ANO2: variants seen among roughly 807,000 people sequenced by gnomAD.
ANO2 encodes anoctamin-2.
In ANO2, 101 loss-of-function variants were observed where a neutral mutation model predicts 124.2. The observed-to-expected ratio is 0.81, with a 90% CI of 0.69 to 0.96. ANO2 has a LOEUF of 0.96. Among genes scored for constraint, ANO2 ranks in the 40% least tolerant of loss-of-function variants. The probability of loss-of-function intolerance (pLI) is 0.00; values close to 1 mark genes in which losing one functional copy is unlikely to be tolerated. For missense variants in ANO2, 1,293 were observed against 1,274.5 expected, an observed-to-expected ratio of 1.01 and a Z score of -0.22; for synonymous variants, 486 against 482.5, an observed-to-expected ratio of 1.01 and a Z score of -0.09.
At chr12:5,915,582 G>C (rs1941331637) in intron 3 of ANO2, among the ~76,000 whole-genome samples, 1 of 152,178 alleles carries the variant, frequency 6.6e-6, no homozygotes, top group South Asian at 2.1e-4. Context: ...AATGAACCCA[G>C]AGCCTAAAAG....
intron 7 of ANO2, among the ~76,000 whole-genome samples, chr12:5,811,319 T>C (rs973608738): frequency 6.6e-6 from 1 of 152,180 alleles, no homozygotes; most frequent in African/African-American, 2.4e-5. Context: ...TATTTACCCA[T>C]CACCAAATTG....
At chr12:5,697,530 A>G (rs1949233100) in intron 14 of ANO2, among the ~76,000 whole-genome samples, 1 of 152,258 alleles carries the variant, frequency 6.6e-6, no homozygotes. Context: ...AGCATGAGCG[A>G]TGCAGAAGAC....
intron 19 of ANO2, among the ~76,000 whole-genome samples, chr12:5,601,613 A>G (rs941688701): frequency 6.6e-6 from 1 of 152,156 alleles, no homozygotes; most frequent in Admixed American, 6.5e-5. Flanking sequence ...TCAAAGTGAG[A>G]CTTCTCCTCC....
At chr12:5,722,540 T>C (rs1950273491) in intron 14 of ANO2, among the ~76,000 whole-genome samples, 2 of 152,048 alleles carry the variant, frequency 1.3e-5, no homozygotes, top group South Asian at 2.1e-4. Flanking sequence ...AACAGTACTA[T>C]AGAACATTGA....
At chr12:5,877,055 T>C (rs1938153986) in intron 3 of ANO2, among the ~76,000 whole-genome samples, 1 of 152,188 alleles carries the variant, frequency 6.6e-6, no homozygotes, top group Non-Finnish European at 1.5e-5. Flanking sequence ...TTGAAGTGGG[T>C]TGAGTAGCGC....
At chr12:5,572,936 T>C (rs1942208426) in intron 23 of ANO2, among the ~76,000 whole-genome samples, 2 of 152,124 alleles carry the variant, frequency 1.3e-5, no homozygotes, top group Non-Finnish European at 2.9e-5. Flanking sequence ...ATCAGAGCCT[T>C]ATAGCTGGCC....
intron 7 of ANO2, among the ~76,000 whole-genome samples, chr12:5,822,527 C>T (rs1420522767): frequency 1.3e-5 from 2 of 152,214 alleles, no homozygotes; most frequent in African/African-American, 2.4e-5. Flanking sequence ...GACTTCCACT[C>T]ACCAAGGCTG....
At chr12:5,858,381 A>T (rs1045519718) in intron 3 of ANO2, among the ~76,000 whole-genome samples, 4 of 152,232 alleles carry the variant, frequency 2.6e-5, no homozygotes, top group Non-Finnish European at 5.9e-5. Flanking sequence ...AAAACAACCA[A>T]AATTAATTAT....
At chr12:5,705,842 T>C (rs1422634378) in intron 14 of ANO2, among the ~76,000 whole-genome samples, 2 of 152,224 alleles carry the variant, frequency 1.3e-5, no homozygotes, top group Non-Finnish European at 2.9e-5. Flanking sequence ...TGCCTCAGAC[T>C]GTTCCAACTC....
At chr12:5,639,947 C>T (rs563415776) in intron 15 of ANO2, among the ~76,000 whole-genome samples, 16 of 152,194 alleles carry the variant, frequency 1.1e-4, no homozygotes, top group African/African-American at 3.9e-4. Context: ...AAATGAGTAT[C>T]TGGGGCACAG....
Position 5,563,411 on chromosome 12 carries a change from C to T in ANO2, c.2885G>A (p.Arg962Lys), listed in dbSNP as rs200700250. ...KLKLMDEPAL[R>K]SPGGGDRSRS... Reference sequence around the variant, plus strand: ...GCTTCGATCCCCACCTCCTGGGCTCCTCAGAGCCGGCTCATCCATCAGCTT... The same window carrying T: ...GCTTCGATCCCCACCTCCTGGGCTCTTCAGAGCCGGCTCATCCATCAGCTT... Residue 962 changes from arginine (R) to lysine (K), a missense_variant, in exon 25 of 25, where the codon AGG (arginine) becomes AAG (lysine). Transcript: ENST00000682330. 9.9e-5 allele frequency: 160 copies of T among 1,611,522 alleles called. No homozygotes were observed. Among genetic ancestry groups the T allele is most frequent in the Non-Finnish European group, 1.4e-5 (16 of 1,178,978 alleles).
intron 23 of ANO2, among the ~76,000 whole-genome samples, chr12:5,572,517 T>C (rs1565424334): frequency 6.6e-6 from 1 of 152,248 alleles, no homozygotes; most frequent in African/African-American, 2.4e-5. Flanking sequence ...TCTCTGCTGT[T>C]GCCCTATTGT....
chr12:5,836,000 GTAAT>G (rs1203604815), intron 4 of ANO2, among the ~76,000 whole-genome samples: 1 of 152,208 alleles, frequency 6.6e-6, no homozygotes. Context: ...CATGTGTGCG[GTAAT>G]TAGTTTCAGA....
chr12:5,839,960 G>T (rs1954461322), intron 4 of ANO2, among the ~76,000 whole-genome samples: 1 of 152,224 alleles, frequency 6.6e-6, no homozygotes, highest in African/African-American at 2.4e-5. Flanking sequence ...GAAGAAAGTA[G>T]GCTGTAGTGC....
At chr12:5,859,922 G>A (rs1185322160) in intron 3 of ANO2, among the ~76,000 whole-genome samples, 3 of 152,150 alleles carry the variant, frequency 2.0e-5, no homozygotes. Flanking sequence ...TTCACAAAGA[G>A]GCTAAGTTAC....
In ANO2 at chr12:5,830,434, C is replaced by A. The variant is rs1954114019; in HGVS notation, c.840+1G>T. On this transcript the variant is annotated splice_donor_variant, in intron 6 of 24. Transcript: ENST00000682330. LOFTEE classifies it high-confidence loss of function. Reference sequence around the variant, plus strand: ...CTAACACAGTACATCCATTTACTTACAATGCGGCTGCGGGTGGCATTATCA... The same window carrying A: ...CTAACACAGTACATCCATTTACTTAAAATGCGGCTGCGGGTGGCATTATCA... 4 of 1,612,436 alleles carry A rather than the reference C, an allele frequency of 2.5e-6. No homozygotes were observed. The highest frequency in any genetic ancestry group is 3.4e-6 in the Non-Finnish European group (4 of 1,179,368).
At chr12:5,933,745 AAACCTG>A (rs934120287) in intron 1 of ANO2, among the ~76,000 whole-genome samples, 3 of 152,146 alleles carry the variant, frequency 2.0e-5, no homozygotes, top group African/African-American at 7.2e-5. Flanking sequence ...CTCTTTAGTC[AAACCTG>A]TCCCCAGACT....
chr12:5,855,089 C>T (rs1483332443), intron 3 of ANO2, among the ~76,000 whole-genome samples: 2 of 152,148 alleles, frequency 1.3e-5, no homozygotes, highest in Non-Finnish European at 2.9e-5. Context: ...TCTAAAACTA[C>T]CTGCAAAATT....
intron 3 of ANO2, among the ~76,000 whole-genome samples, chr12:5,884,571 C>T (rs778748504): frequency 1.4e-4 from 21 of 152,220 alleles, no homozygotes; most frequent in Non-Finnish European, 3.1e-4. Context: ...GGTGAGCAGG[C>T]AACAGTAACT....
Sources: allele counts gnomAD v4.1 joint callset (sites outside exome capture counted in the v4.1 genomes callset), GRCh38; gene constraint gnomAD v4.1.1; transcripts MANE v1.5; gene names NCBI Gene and HGNC (gene_info 2026-07-23, HGNC 2026-07-21).